The following ZAN variants were observed in gnomAD, a reference collection of about 807,000 sequenced individuals.
ZAN encodes zonadhesin (gene/pseudogene).
In ZAN, 260 loss-of-function variants were observed where a neutral mutation model predicts 286.2. The ratio of observed to expected loss-of-function variants is 0.91; its 90% CI spans 0.82 to 1.01. ZAN has a LOEUF of 1.01. Ranked by LOEUF, ZAN falls within the 50% of genes least tolerant of loss-of-function variation. The pLI is 0.00. For synonymous variants in ZAN, 1,368 were observed against 1,417.5 expected (o/e 0.97, Z 0.79); for missense variants, 3,410 against 3,639.2 (o/e 0.94, Z 1.62).
Position 100,773,964 on chromosome 7 carries a change from T to A in ZAN, c.5779+99T>A, listed in dbSNP as rs555068471. 8 of 1,465,986 alleles carry A rather than the reference T, an allele frequency of 5.5e-6. No individual in the cohort carries two copies. The South Asian group carries it at 1.1e-4, about 20-fold the overall frequency. 90.8% of individuals were successfully genotyped at this position (1,465,986 alleles called of 1,614,324 possible). On this transcript the variant is annotated intron_variant, in intron 31 of 47. Coordinates refer to ENST00000613979, the MANE Select transcript of ZAN (RefSeq NM_003386.3). ...GCTGCCTGTAGCACTGGGTTTCAGG[T>A]TTTGACTGGTAACTCTGCTGCAACC...
intron 10 of ZAN, 43 bp downstream of exon 10, chr7:100,748,258 G>T: frequency 6.2e-7 from 1 of 1,613,892 alleles, no homozygotes; most frequent in Non-Finnish European, 8.5e-7. Flanking sequence ...CAGAATCCGG[G>T]GTGGGCTGGG....
At chr7:100,743,015 CTCTTTCTTTT>C (rs1807921989) in intron 7 of ZAN, among the ~76,000 whole-genome samples, 1 of 131,292 alleles carries the variant, frequency 7.6e-6, no homozygotes, top group South Asian at 2.4e-4. Flanking sequence ...CCAGGCGACA[CTCTTTCTTTT>C]TCTTTCTTTT....
In ZAN at chr7:100,773,224, C is replaced by A. The variant is rs1810508856; in HGVS notation, c.5426-61C>A. The A allele has an allele frequency of 3.2e-6, 5 of 1,582,632 alleles. 1 individual carries two copies. In the South Asian group the frequency reaches 4.5e-5, roughly 14 times the overall value. On this transcript the variant is annotated intron_variant, in intron 29 of 47. Coordinates refer to ENST00000613979, the MANE Select transcript of ZAN (RefSeq NM_003386.3). ...TGGCCACTACTAGGAGCTTTTGATG[C>A]CCCAAGGTTTGGGGGCTGGACATGC...
chr7:100,759,588 C>T, intron 17 of ZAN, 133 bp from the exon 18 acceptor site: 2 of 1,187,394 alleles, frequency 1.7e-6, no homozygotes, highest in Non-Finnish European at 1.1e-6. Context: ...TGGATCCGGC[C>T]TCCCCTACTG....
intron 35 of ZAN, among the ~76,000 whole-genome samples, chr7:100,780,190 T>C (rs1811109103): frequency 6.8e-6 from 1 of 147,084 alleles, no homozygotes; most frequent in Admixed American, 6.8e-5. Flanking sequence ...CAACACTCCA[T>C]CTCAAAAAAA....
Position 100,760,595 on chromosome 7 carries a change from CTCT to C in ZAN, c.3842+65_3842+67del, listed in dbSNP as rs907389453. The C allele has an allele frequency of 8.2e-6, 13 of 1,595,002 alleles. No homozygotes were observed. In the African/African-American group the frequency reaches 1.5e-4, roughly 18 times the overall value. ...TCTTCCTGCTGCCTCTTCCTGCTGC[CTCT>C]TCTTCCTGCTGCCCACCCTGCCCAC... On this transcript the variant is annotated intron_variant, in intron 19 of 47. Transcript: ENST00000613979.
At chr7:100,735,889 G>A (rs1584539688) in intron 3 of ZAN, 117 bp downstream of exon 3, 2 of 832,548 alleles carry the variant, frequency 2.4e-6, no homozygotes, top group East Asian at 5.7e-5. Context: ...GTCCCCTCCG[G>A]GCATCAGCCA....
chr7:100,775,217 C>T (rs1025760904), intron 31 of ZAN, 111 bp from the exon 32 acceptor site: 1 of 1,463,422 alleles, frequency 6.8e-7, no homozygotes, highest in East Asian at 2.5e-5. Context: ...ACAGCCGGAC[C>T]TGGGGTCTTG....
At chr7:100,749,570 G>A (rs1054060326) in intron 11 of ZAN, among the ~76,000 whole-genome samples, 2 of 149,914 alleles carry the variant, frequency 1.3e-5, no homozygotes, top group African/African-American at 4.9e-5. Flanking sequence ...AGCCCGGGAG[G>A]CAGAGCTTGC....
Position 100,746,617 on chromosome 7 carries a change from C to T in ZAN, c.846C>T (p.Ser282=), listed in dbSNP as rs1478800745. 2 of 1,614,024 alleles carry T rather than the reference C, an allele frequency of 1.2e-6. No homozygotes were observed. Among genetic ancestry groups the T allele is most frequent in the East Asian group, 2.2e-5 (1 of 44,886 alleles). Residue 282 remains serine, a synonymous_variant, in exon 8 of 48, where the codon TCC becomes TCT. Transcript: ENST00000613979. ...KAVLLSPVSL[S]SGCLSFSFHY... ...TCCTCCTGAGCCCCGTGAGCCTGTC[C>T]TCTGGCTGTCTGAGCTTTTCCTTCC...
Position 100,773,766 on chromosome 7 carries a change from AC to A in ZAN, c.5682del (p.Cys1895AlafsTer46). 6.2e-7 allele frequency: 1 copy of A among 1,611,712 alleles called. No homozygotes were observed. Among genetic ancestry groups the A allele is most frequent in the Middle Eastern group, 1.7e-4 (1 of 6,058 alleles). ...YTENTCTRLC[T>X]CSVHNNITCF... is the part of the protein sequence containing the mutation. ...AGAGAACACCTGCACCAGGCTCTGC[AC>A]CTGCTCCGTCCACAACAACATCACC... On this transcript the variant is annotated frameshift_variant, in exon 31 of 48. Transcript: ENST00000613979. LOFTEE classifies it high-confidence loss of function.
chr7:100,789,106 C>T (rs1265882922), intron 38 of ZAN, 112 bp from the exon 39 acceptor site: 47 of 1,426,672 alleles, frequency 3.3e-5, no homozygotes, highest in Non-Finnish European at 4.4e-5. Flanking sequence ...TCTTATTCCA[C>T]TCTCTGCACG....
At position 100,767,879 on chromosome 7, in the gene ZAN, G is replaced by GT. The variant is rs992943579; in HGVS notation, c.4910dup (p.Thr1638AspfsTer53). 1.2e-6 allele frequency: 2 copies of GT among 1,613,842 alleles called. No individual in the cohort carries two copies. Among genetic ancestry groups the GT allele is most frequent in the Non-Finnish European group, 8.5e-7 (1 of 1,179,890 alleles). Reference sequence around the variant, plus strand: ...ACCTGTGTGGCTTGCACAAGGCCGGGTGACCATAAGGCTCAGCAGCAACCT... The same window carrying GT: ...ACCTGTGTGGCTTGCACAAGGCCGGGTTGACCATAAGGCTCAGCAGCAACCT... On this transcript the variant is annotated frameshift_variant, in exon 26 of 48. Coordinates refer to ENST00000613979, the MANE Select transcript of ZAN (RefSeq NM_003386.3). LOFTEE classifies it high-confidence loss of function.
chr7:100,787,896 A>C lies in ZAN; in HGVS notation c.6987A>C (p.Glu2329Asp). The change falls in exon 38 of 48, where the codon GAA becomes GAC. Residue 2329 changes from glutamate to aspartate, a missense_variant. This residue lies in a region of ZAN where 1,289 missense variants were observed against 1,314.3 expected (regional missense o/e 0.98). Transcript: ENST00000613979. ...TGTCTGACTTCTTGGCAGAGTCTGA[A>C]CAATGCTCAGTCTATGGCGACCCCC... Reference protein sequence around the residue: ...SNSNCVSDKSEQCSVYGDPRY... With the variant: ...SNSNCVSDKSDQCSVYGDPRY... 1 of 1,523,884 alleles carries C rather than the reference A, an allele frequency of 6.6e-7. No homozygotes were observed. The highest frequency in any genetic ancestry group is 8.9e-7 in the Non-Finnish European group (1 of 1,119,450). 94.4% of individuals were successfully genotyped at this position (1,523,884 alleles called of 1,614,324 possible).
rs749290750 is a variant in ZAN, at chr7:100,753,174, T to C, written c.3069T>C (p.Ser1023=). 1 of 1,613,626 alleles carries C rather than the reference T, an allele frequency of 6.2e-7. No individual in the cohort carries two copies. Among genetic ancestry groups the C allele is most frequent in the African/African-American group, 1.3e-5 (1 of 75,034 alleles). ...AALVMSPHAP[S]TPMTSVILGT... ...TGGTGATGTCTCCACATGCTCCAAG[T>C]ACCCCTATGACCAGTGTGATTCTGG... is the stretch of plus-strand genomic sequence containing the variant. Residue 1023 remains serine (S), a synonymous_variant, in exon 14 of 48, where the codon AGT becomes AGC. Coordinates refer to ENST00000613979, the MANE Select transcript of ZAN (RefSeq NM_003386.3).
intron 11 of ZAN, among the ~76,000 whole-genome samples, chr7:100,748,939 T>C (rs1808418338): frequency 6.6e-6 from 1 of 152,072 alleles, no homozygotes; most frequent in East Asian, 1.9e-4. Flanking sequence ...GCGAGGCTGA[T>C]GTGGGAGGAT....
At position 100,793,851 on chromosome 7, in the gene ZAN, G is replaced by A. The variant is rs777132059; in HGVS notation, c.7819G>A (p.Glu2607Lys). The change falls in exon 43 of 48, where the codon GAG (glutamate) becomes AAG (lysine). Residue 2607 changes from glutamate to lysine, a missense_variant. This residue lies in a region of ZAN where 1,289 missense variants were observed against 1,314.3 expected (regional missense o/e 0.98). Coordinates refer to ENST00000613979, the MANE Select transcript of ZAN (RefSeq NM_003386.3). The part of the protein sequence containing the change: ...HGVSSRYHIS[E>K]LYDTLPSILC... Reference sequence around the variant, plus strand: ...AGTGTCCAGCAGGTACCATATATCAGAGCTGTATGACACCCTGCCCAGCAT... The same window carrying A: ...AGTGTCCAGCAGGTACCATATATCAAAGCTGTATGACACCCTGCCCAGCAT... 2 of 1,611,666 alleles carry A rather than the reference G, an allele frequency of 1.2e-6. No individual in the cohort carries two copies. The highest frequency in any genetic ancestry group is 2.2e-5 in the South Asian group (2 of 90,802).
rs766708184 is a variant in ZAN, at chr7:100,763,154, G to A, written c.3987-652G>A. Reference sequence around the variant, plus strand: ...TGATTTTTGTATTTTTAGTAGAGACGGGGTTTCATCATGTTGGCCAGGCTG... The same window carrying A: ...TGATTTTTGTATTTTTAGTAGAGACAGGGTTTCATCATGTTGGCCAGGCTG... On this transcript the variant is annotated intron_variant, in intron 20 of 47. Transcript: ENST00000613979. This position sits in a 1 kb window ranked among gnomAD's most constrained non-coding sequence, Gnocchi z 4.6. Among the ~76,000 whole-genome samples the A allele has an allele frequency of 1.8e-4, 27 of 151,846 alleles. No individual in the cohort carries two copies. Among genetic ancestry groups the A allele is most frequent in the Non-Finnish European group, 3.1e-4 (21 of 67,942 alleles).
At chr7:100,783,706 A>G (rs564440707) in intron 35 of ZAN, among the ~76,000 whole-genome samples, 2 of 119,212 alleles carry the variant, frequency 1.7e-5, no homozygotes, top group Admixed American at 1.0e-4. Context: ...GGTGTCAGAG[A>G]GAGACTCCGT....
Sources: gnomAD v4.1 joint callset for allele counts (sites outside exome capture counted in the v4.1 genomes callset) on GRCh38, gnomAD v4.1.1 for gene constraint, gnomAD v4.1.1 regional missense constraint, Gnocchi (gnomAD v3.1) non-coding constraint, MANE v1.5 for transcripts, NCBI Gene and HGNC (gene_info 2026-07-23, HGNC 2026-07-21) for gene names.